Variants in CPEB1 observed in about 807,000 individuals in gnomAD.
CPEB1 encodes cytoplasmic polyadenylation element binding protein 1.
Under a neutral mutation model 65.8 loss-of-function variants are expected in CPEB1, and 7 were observed. The ratio of observed to expected loss-of-function variants is 0.11; its 90% confidence interval spans 0.06 to 0.20. CPEB1 has a LOEUF of 0.20. CPEB1 is among the 10% of genes least tolerant of loss of function. CPEB1 has a pLI of 1.00. For synonymous variants in CPEB1, 262 were observed against 260.0 expected (o/e 1.01, Z -0.08); for missense variants, 551 against 712.2 (o/e 0.77, Z 2.58).
chr15:82,582,846 A>T (rs1311913780), intron 3 of CPEB1, among the ~76,000 whole-genome samples: 3 of 143,470 alleles, frequency 2.1e-5, no homozygotes, highest in Non-Finnish European at 3.0e-5. Flanking sequence ...GGTTCACGCC[A>T]TTCTCCTGCC....
chr15:82,570,753 A>C (rs1273254310), intron 4 of CPEB1, among the ~76,000 whole-genome samples: 1 of 151,688 alleles, frequency 6.6e-6, no homozygotes, highest in African/African-American at 2.4e-5. Context: ...TATAGCTGGG[A>C]GTTACCCCAC....
At chr15:82,556,957 G>A (rs1418446208) in intron 5 of CPEB1, among the ~76,000 whole-genome samples, 2 of 152,188 alleles carry the variant, frequency 1.3e-5, no homozygotes, top group African/African-American at 4.8e-5. Context: ...GGTAAAATAA[G>A]TAATTCTATT....
upstream of CPEB1, chr15:82,647,873 G>A: frequency 7.9e-7 from 1 of 1,261,736 alleles, no homozygotes; most frequent in Non-Finnish European, 1.0e-6. Context: ...AACGCCATGG[G>A]GCCGGTGTGG....
chr15:82,589,404 A>AT (rs1199988481), intron 3 of CPEB1, among the ~76,000 whole-genome samples: 1 of 152,188 alleles, frequency 6.6e-6, no homozygotes, highest in Non-Finnish European at 1.5e-5. Context: ...CATCCTAATC[A>AT]TTCCTTATCA....
intron 3 of CPEB1, among the ~76,000 whole-genome samples, chr15:82,616,099 G>T (rs186600519): frequency 2.0e-5 from 3 of 151,912 alleles, no homozygotes; most frequent in African/African-American, 7.3e-5. Context: ...GCAAATGCCA[G>T]GAAGATAATG....
intron 9 of CPEB1, among the ~76,000 whole-genome samples, chr15:82,550,727 C>G (rs1339925803): frequency 6.6e-6 from 1 of 152,050 alleles, no homozygotes; most frequent in African/African-American, 2.4e-5. Context: ...GAATCTGGGT[C>G]TAAAGGTGAG....
intron 11 of CPEB1, 61 bp from the exon 12 acceptor site, chr15:82,546,582 A>T: frequency 2.4e-6 from 3 of 1,243,604 alleles, no homozygotes; most frequent in Non-Finnish European, 3.6e-6. Context: ...TCGATAGGCG[A>T]TAGAAGAAGG....
intron 8 of CPEB1, 41 bp from the exon 9 acceptor site, chr15:82,552,657 G>A (rs900942753): frequency 6.2e-7 from 1 of 1,608,938 alleles, no homozygotes. Context: ...ATATCCCTTA[G>A]GTGGCCACTC....
chr15:82,639,502 CACTTA>C (rs911822614), intron 1 of CPEB1, among the ~76,000 whole-genome samples: 5 of 151,574 alleles, frequency 3.3e-5, no homozygotes, highest in South Asian at 2.1e-4. Flanking sequence ...TTTTTTTCCC[CACTTA>C]ACTTAGTATC....
chr15:82,588,566 T>C (rs1481321364), intron 3 of CPEB1, among the ~76,000 whole-genome samples: 2 of 152,232 alleles, frequency 1.3e-5, no homozygotes, highest in East Asian at 1.9e-4. Context: ...TATCTAACCA[T>C]TTCTCTACTG....
At chr15:82,563,108 T>C (rs957718247) in intron 4 of CPEB1, among the ~76,000 whole-genome samples, 1 of 152,140 alleles carries the variant, frequency 6.6e-6, no homozygotes, top group African/African-American at 2.4e-5. Context: ...TAGAACAAGC[T>C]GATCACTGTG....
At chr15:82,553,349 G>A in intron 8 of CPEB1, 118 bp downstream of exon 8, 2 of 715,588 alleles carry the variant, frequency 2.8e-6, no homozygotes, top group South Asian at 1.6e-5. Context: ...GTGCCCTGGA[G>A]TGCCCACCAT....
intron 3 of CPEB1, among the ~76,000 whole-genome samples, chr15:82,624,938 A>AGTGGGAGGAGG (rs1158746463): frequency 6.6e-6 from 1 of 152,064 alleles, no homozygotes; most frequent in Non-Finnish European, 1.5e-5. Context: ...CCCAGGCTCA[A>AGTGGGAGGAGG]GTGATCCTCC....
intron 3 of CPEB1, chr15:82,583,396 G>A (rs992917548): frequency 2.0e-5 from 3 of 152,186 alleles, no homozygotes; most frequent in East Asian, 1.9e-4. Context: ...TCAAATTGGG[G>A]TCTGCAGAAG....
At chr15:82,608,115 T>C (rs994505651) in intron 3 of CPEB1, among the ~76,000 whole-genome samples, 19 of 152,254 alleles carry the variant, frequency 1.2e-4, no homozygotes, top group Non-Finnish European at 2.4e-4. Flanking sequence ...CTTTCAAGCA[T>C]GCAGGTTAGC....
intron 3 of CPEB1, among the ~76,000 whole-genome samples, chr15:82,607,214 T>A (rs2043697942): frequency 6.6e-6 from 1 of 152,118 alleles, no homozygotes; most frequent in African/African-American, 2.4e-5. Context: ...CTTGAATAAA[T>A]GACAGACTGA....
chr15:82,591,788 T>A (rs1436017248), intron 3 of CPEB1, among the ~76,000 whole-genome samples: 1 of 152,112 alleles, frequency 6.6e-6, no homozygotes, highest in Non-Finnish European at 1.5e-5. Flanking sequence ...TATTTAAAAA[T>A]TTTTTCACTT....
At chr15:82,553,803 C>T in intron 7 of CPEB1, 75 bp downstream of exon 7, 1 of 1,100,198 alleles carries the variant, frequency 9.1e-7, no homozygotes, top group South Asian at 1.3e-5. Context: ...CCCCTGGCCT[C>T]AATTCCAAGT....
intron 3 of CPEB1, among the ~76,000 whole-genome samples, chr15:82,582,637 C>G (rs1239316484): frequency 6.6e-6 from 1 of 152,142 alleles, no homozygotes; most frequent in Non-Finnish European, 1.5e-5. Flanking sequence ...ACATAATAAC[C>G]CTACTCAGAC....
Sources: gnomAD v4.1 joint callset for allele counts (sites outside exome capture counted in the v4.1 genomes callset) on GRCh38, gnomAD v4.1.1 for gene constraint, MANE v1.5 for transcripts, NCBI Gene and HGNC (gene_info 2026-07-23, HGNC 2026-07-21) for gene names.